The following GPC6 variants were observed in gnomAD, a reference collection of about 807,000 sequenced individuals.
GPC6 encodes the protein glypican 6.
Under a neutral mutation model 55.2 loss-of-function variants are expected in GPC6, and 14 were observed. The ratio of observed to expected loss-of-function variants is 0.25; its 90% CI spans 0.17 to 0.40. GPC6 has a LOEUF of 0.40. Among genes scored for constraint, GPC6 ranks in the 10% least tolerant of loss-of-function variants. GPC6 has a pLI of 1.00. For missense variants in GPC6, 641 were observed against 708.5 expected (o/e 0.90, Z 1.08); for synonymous variants, 278 against 259.6 (o/e 1.07, Z -0.68).
chr13:94,328,353 G>A (rs1877232827), intron 6 of GPC6, among the ~76,000 whole-genome samples: 1 of 152,156 alleles, frequency 6.6e-6, no homozygotes, highest in Admixed American at 6.5e-5. Flanking sequence ...CATGTTTCTT[G>A]GAAGAATGAC....
rs572078930 is a variant in GPC6 at position 93,841,526 on chromosome 13, A to G, written c.711+10981A>G. ...TAGAATATAGTAATCATACCAAACA[A>G]TGTTGAAACTCTACATTTTTTGTGT... On this transcript the variant is annotated intron_variant, in intron 3 of 8. Coordinates refer to ENST00000377047, the MANE Select transcript of GPC6 (RefSeq NM_005708.5). 3.0e-4 allele frequency among the ~76,000 whole-genome samples: 45 copies of G among 152,332 alleles called. No homozygotes were observed. In the South Asian group the frequency reaches 4.6e-3, roughly 15 times the overall value.
At chr13:94,346,042 A>G (rs1160243634) in intron 6 of GPC6, among the ~76,000 whole-genome samples, 3 of 152,046 alleles carry the variant, frequency 2.0e-5, no homozygotes, top group Non-Finnish European at 4.4e-5. Flanking sequence ...GTAGCACTTG[A>G]GCCTCTGCCT....
rs145609244 is a variant in GPC6 at position 93,807,649 on chromosome 13, G to A, written c.320-22505G>A. On this transcript the variant is annotated intron_variant, in intron 2 of 8. Coordinates refer to ENST00000377047, the MANE Select transcript of GPC6 (RefSeq NM_005708.5). Reference sequence around the variant, plus strand: ...AGCCACTGGTCTAACAGAGGCCAATGACTTTTGCATTCTTTCTGTCCACTT... The same window carrying A: ...AGCCACTGGTCTAACAGAGGCCAATAACTTTTGCATTCTTTCTGTCCACTT... Among the ~76,000 whole-genome samples the A allele has an allele frequency of 2.9e-3, 447 of 152,286 alleles. 2 individuals carry two copies. The highest frequency in any genetic ancestry group is 0.01 in the African/African-American group (430 of 41,564).
At chr13:93,830,991 G>A in intron 3 of GPC6, 1 of 160,616 alleles carries the variant, frequency 6.2e-6, no homozygotes, top group Non-Finnish European at 1.4e-5. Flanking sequence ...CAGGACATCA[G>A]CACCTGGCAT....
At chr13:93,314,881 G>A (rs1196207679) in intron 1 of GPC6, among the ~76,000 whole-genome samples, 1 of 152,092 alleles carries the variant, frequency 6.6e-6, no homozygotes, top group African/African-American at 2.4e-5. Flanking sequence ...CTGATAAGTT[G>A]TGCTTTTTTG....
chr13:93,662,837 GA>G (rs975759950), intron 2 of GPC6, among the ~76,000 whole-genome samples: 2 of 151,466 alleles, frequency 1.3e-5, no homozygotes, highest in African/African-American at 4.9e-5. Context: ...CAATGAAATA[GA>G]AAAAAAATTG....
At chr13:94,290,321 G>A (rs1314690009) in intron 5 of GPC6, among the ~76,000 whole-genome samples, 7 of 151,166 alleles carry the variant, frequency 4.6e-5, no homozygotes, top group Non-Finnish European at 1.0e-4. Context: ...CTTGGGAGAC[G>A]GAGGTAGAAG....
intron 1 of GPC6, among the ~76,000 whole-genome samples, chr13:93,244,672 C>G (rs984233440): frequency 1.3e-5 from 2 of 152,190 alleles, no homozygotes; most frequent in African/African-American, 4.8e-5. Flanking sequence ...CTGGATTAAG[C>G]GGCTCCCCAG....
chr13:93,989,935 T>G (rs1440675467), intron 3 of GPC6, among the ~76,000 whole-genome samples: 1 of 148,496 alleles, frequency 6.7e-6, no homozygotes, highest in Non-Finnish European at 1.5e-5. Flanking sequence ...TATATATGTA[T>G]ATATATATAT....
chr13:94,254,978 A>G (rs1044067156), intron 4 of GPC6, among the ~76,000 whole-genome samples: 2 of 152,194 alleles, frequency 1.3e-5, no homozygotes, highest in Admixed American at 1.3e-4. Context: ...AAACAAAGAG[A>G]TGTTATCAAA....
At chr13:94,305,282 C>T (rs1875883653) in intron 5 of GPC6, among the ~76,000 whole-genome samples, 1 of 152,328 alleles carries the variant, frequency 6.6e-6, no homozygotes, top group South Asian at 2.1e-4. Context: ...ATCAACCAAT[C>T]AATATGTAGC....
intron 1 of GPC6, among the ~76,000 whole-genome samples, chr13:93,269,756 T>G (rs1465317958): frequency 7.6e-6 from 1 of 131,418 alleles, no homozygotes; most frequent in Non-Finnish European, 1.6e-5. Context: ...AAACCCCATC[T>G]CTACTAAAAA....
At chr13:94,023,578 C>G (rs920895304) in intron 3 of GPC6, among the ~76,000 whole-genome samples, 1 of 151,914 alleles carries the variant, frequency 6.6e-6, no homozygotes, top group Non-Finnish European at 1.5e-5. Flanking sequence ...TCTTACAAAA[C>G]GAAACATACT....
At chr13:93,653,604 G>A (rs1186462326) in intron 2 of GPC6, among the ~76,000 whole-genome samples, 1 of 145,224 alleles carries the variant, frequency 6.9e-6, no homozygotes, top group Non-Finnish European at 1.5e-5. Context: ...GTGTGTGTGT[G>A]TGTGTGTGTA....
intron 6 of GPC6, among the ~76,000 whole-genome samples, chr13:94,343,101 A>C (rs1014580791): frequency 6.6e-6 from 1 of 152,188 alleles, no homozygotes; most frequent in Non-Finnish European, 1.5e-5. Flanking sequence ...GCCAGATTAC[A>C]TTTCCCCCAT....
chr13:93,492,190 AT>A (rs1173427949), intron 1 of GPC6, among the ~76,000 whole-genome samples: 5 of 145,644 alleles, frequency 3.4e-5, no homozygotes, highest in African/African-American at 1.3e-4. Flanking sequence ...ATCCTCTTTT[AT>A]TTCCTTGAGC....
intron 6 of GPC6, among the ~76,000 whole-genome samples, chr13:94,369,047 C>T (rs1176965042): frequency 1.3e-5 from 2 of 152,154 alleles, no homozygotes; most frequent in Non-Finnish European, 2.9e-5. Flanking sequence ...TTACAAATGA[C>T]CTCCAGCCTA....
chr13:93,279,482 C>A (rs548720147), intron 1 of GPC6, among the ~76,000 whole-genome samples: 55 of 152,254 alleles, frequency 3.6e-4, no homozygotes, highest in Admixed American at 2.1e-3. Flanking sequence ...GCTTCTTGAA[C>A]CTTATTTCCA....
At chr13:93,404,198 T>G (rs1876199573) in intron 1 of GPC6, among the ~76,000 whole-genome samples, 1 of 152,076 alleles carries the variant, frequency 6.6e-6, no homozygotes, top group African/African-American at 2.4e-5. Flanking sequence ...GACTAAAAAA[T>G]AAAACAAACC....
Sources: allele counts gnomAD v4.1 joint callset (sites outside exome capture counted in the v4.1 genomes callset), GRCh38; gene constraint gnomAD v4.1.1; transcripts MANE v1.5; gene names NCBI Gene and HGNC (gene_info 2026-07-23, HGNC 2026-07-21).